The following LIPA variants were observed in gnomAD, a reference collection of about 807,000 sequenced individuals.
LIPA encodes the protein lipase A, lysosomal acid type, also known as lysosomal acid lipase/cholesteryl ester hydrolase.
LIPA carries 26 observed loss-of-function variants against 40.6 expected under a neutral mutation model. The ratio of observed to expected loss-of-function variants is 0.64; its 90% confidence interval spans 0.47 to 0.89. The LOEUF is 0.89. LIPA is among the 40% of genes least tolerant of loss of function. The pLI, the probability that LIPA is intolerant of heterozygous loss-of-function variation, is 0.00. For missense variants in LIPA, 455 were observed against 479.6 expected, an observed-to-expected ratio of 0.95 and a Z score of 0.48; for synonymous variants, 188 against 168.4, an observed-to-expected ratio of 1.12 and a Z score of -0.90.
intron 1 of LIPA, among the ~76,000 whole-genome samples, chr10:89,413,533 A>C (rs11203114): frequency 1.3e-5 from 2 of 152,160 alleles, no homozygotes; most frequent in Non-Finnish European, 2.9e-5. Context: ...ACAATATTTA[A>C]GGTTTAGAAA....
chr10:89,262,185 T>G (rs1843214237), intron 1 of LIPA, among the ~76,000 whole-genome samples: 1 of 152,110 alleles, frequency 6.6e-6, no homozygotes, highest in South Asian at 2.1e-4. Context: ...AGCATACGAT[T>G]GCTAGCTCTC....
intron 1 of LIPA, chr10:89,301,876 C>G: frequency 2.5e-6 from 1 of 401,980 alleles, no homozygotes; most frequent in Non-Finnish European, 4.6e-6. Flanking sequence ...CAACTCAGCT[C>G]CGGAGGAAAA....
At chr10:89,256,514 G>A (rs1447552029), upstream of LIPA, among the ~76,000 whole-genome samples, 3 of 152,252 alleles carry the variant, frequency 2.0e-5, no homozygotes, top group Non-Finnish European at 2.9e-5. Flanking sequence ...AAGAGGAAAT[G>A]ATCAGCCCAG....
intron 2 of LIPA, among the ~76,000 whole-genome samples, chr10:89,353,472 A>G (rs1312460193): frequency 6.6e-6 from 1 of 152,198 alleles, no homozygotes; most frequent in Admixed American, 6.5e-5. Context: ...CAGGGGAGAA[A>G]TAACGAAAGA....
At chr10:89,219,452 A>G (rs759224120) in intron 8 of LIPA, among the ~76,000 whole-genome samples, 2 of 152,262 alleles carry the variant, frequency 1.3e-5, no homozygotes, top group Admixed American at 1.3e-4. Flanking sequence ...CATCAGGTTT[A>G]TAAGGAGAAT....
At chr10:89,373,490 C>T (rs12267337) in intron 2 of LIPA, among the ~76,000 whole-genome samples, 21 of 152,178 alleles carry the variant, frequency 1.4e-4, no homozygotes, top group African/African-American at 4.6e-4. Context: ...AGTATTTTCT[C>T]TGTGGACATG....
chr10:89,257,682 C>T (rs1038304628), intron 1 of LIPA, among the ~76,000 whole-genome samples: 6 of 152,022 alleles, frequency 3.9e-5, no homozygotes, highest in Non-Finnish European at 8.8e-5. Flanking sequence ...TTTAGGGAGG[C>T]CAAATCCAAG....
At chr10:89,262,280 C>T (rs1262561375) in intron 1 of LIPA, among the ~76,000 whole-genome samples, 1 of 151,960 alleles carries the variant, frequency 6.6e-6, no homozygotes, top group Non-Finnish European at 1.5e-5. Flanking sequence ...ACTATGCAGG[C>T]AATGAGGCAT....
At chr10:89,364,014 T>G (rs753051252) in intron 2 of LIPA, among the ~76,000 whole-genome samples, 1 of 152,210 alleles carries the variant, frequency 6.6e-6, no homozygotes, top group African/African-American at 2.4e-5. Flanking sequence ...GCCTGAACCC[T>G]GTCTTTTGAG....
chr10:89,306,497 G>GCAAGCTA (rs749785838), intron 1 of LIPA: 15 of 1,613,978 alleles, frequency 9.3e-6, no homozygotes, highest in Non-Finnish European at 8.5e-7. Flanking sequence ...ACTGGCAATA[G>GCAAGCTA]CAAGCTACCG....
intron 1 of LIPA, among the ~76,000 whole-genome samples, chr10:89,300,404 G>A (rs1280327105): frequency 6.6e-6 from 1 of 152,132 alleles, no homozygotes; most frequent in Non-Finnish European, 1.5e-5. Context: ...AAAGTAACTA[G>A]AAGAGAGGAC....
chr10:89,339,363 G>T lies in LIPA; in HGVS notation c.-2+3248C>A, dbSNP rs1377409022. The T allele has an allele frequency of 9.3e-6, 15 of 1,613,806 alleles. No individual in the cohort carries two copies. In the Middle Eastern group the frequency reaches 6.6e-4, roughly 71 times the overall value. Reference sequence around the variant, plus strand: ...AGTTTGTTGAAGAAGCCTTGGAAAAGTCTCCTTGCCAAACAGATGTCCTCC... The same window carrying T: ...AGTTTGTTGAAGAAGCCTTGGAAAATTCTCCTTGCCAAACAGATGTCCTCC... On this transcript the variant is annotated intron_variant, in intron 1 of 5. Transcript: ENST00000282673.
At chr10:89,279,759 G>A (rs1479190864) in intron 1 of LIPA, among the ~76,000 whole-genome samples, 8 of 152,184 alleles carry the variant, frequency 5.3e-5, no homozygotes, top group Admixed American at 5.2e-4. Flanking sequence ...TATACACACT[G>A]TACTTAAGTA....
chr10:89,215,983 G>C lies in LIPA; in HGVS notation c.921C>G (p.Ala307=), dbSNP rs1482994727. The C allele has an allele frequency of 3.1e-6, 5 of 1,612,100 alleles. No individual in the cohort carries two copies. In the Admixed American group the frequency reaches 8.3e-5, roughly 27 times the overall value. ...TCTTGGCACTGCTTCCCCAGTCAAA[G>C]GCTTGAAACTTTTGGAATTTAACAG... The part of the protein sequence containing the change: ...SQAVKFQKFQ[A]FDWGSSAKNY... The change falls in exon 9 of 10, where the codon GCC becomes GCG. Residue 307 remains alanine, a synonymous_variant. Coordinates refer to ENST00000336233, the MANE Select transcript of LIPA (RefSeq NM_000235.4).
chr10:89,283,345 G>C (rs551565887), intron 1 of LIPA, among the ~76,000 whole-genome samples: 1 of 152,196 alleles, frequency 6.6e-6, no homozygotes, highest in African/African-American at 2.4e-5. Flanking sequence ...TCTCTCTGAG[G>C]CCACTCTGGC....
intron 1 of LIPA, among the ~76,000 whole-genome samples, chr10:89,266,789 G>T (rs1242503986): frequency 6.6e-6 from 1 of 152,242 alleles, no homozygotes; most frequent in African/African-American, 2.4e-5. Flanking sequence ...GGTCTACAAA[G>T]TGTTCTGTGA....
At chr10:89,403,827 C>G (rs909132140) in intron 2 of LIPA, 1 of 633,282 alleles carries the variant, frequency 1.6e-6, no homozygotes, top group Non-Finnish European at 2.7e-6. Context: ...TGATGTAATT[C>G]TTGAATAATA....
In LIPA at chr10:89,215,005, G is replaced by T; in HGVS notation, c.1023C>A (p.Ser341Arg). The T allele has an allele frequency of 6.2e-7, 1 of 1,614,084 alleles. No individual in the cohort carries two copies. The highest frequency in any genetic ancestry group is 8.5e-7 in the Non-Finnish European group (1 of 1,179,972). ...KDMLVPTAVWSGGHDWLADVY... is the reference protein window; with the variant it reads ...KDMLVPTAVWRGGHDWLADVY... ...CATCTGCAAGCCAGTCGTGACCCCC[G>T]CTCCAGACTGCAGTCGGCACAAGCA... Residue 341 changes from serine (S) to arginine (R), a missense_variant, in exon 10 of 10, where the codon AGC becomes AGA. Ser to Arg is a moderately radical substitution (Grantham distance 110, BLOSUM62 -1). Transcript: ENST00000336233.
intron 1 of LIPA, among the ~76,000 whole-genome samples, chr10:89,304,189 G>A (rs1466106479): frequency 1.3e-5 from 2 of 152,128 alleles, no homozygotes; most frequent in East Asian, 3.9e-4. Flanking sequence ...GGAAGGACCC[G>A]CCTTCCATTC....
Sources: allele counts gnomAD v4.1 joint callset (sites outside exome capture counted in the v4.1 genomes callset), GRCh38; gene constraint gnomAD v4.1.1; transcripts MANE v1.5; gene names NCBI Gene and HGNC (gene_info 2026-07-23, HGNC 2026-07-21).